The following CYRIA variants were observed in gnomAD, a reference collection of about 807,000 sequenced individuals.
CYRIA encodes the protein CYFIP related Rac1 interactor A, also known as CYFIP-related Rac1 interactor A.
A neutral mutation model predicts 43.9 loss-of-function variants in CYRIA; 15 were observed. That is an observed-to-expected ratio of 0.34 (90% CI 0.23 to 0.53). The LOEUF (loss-of-function observed/expected upper bound fraction) is 0.53, where lower values mean the gene tolerates loss of function less well. CYRIA is among the 20% of genes least tolerant of loss of function. The probability of loss-of-function intolerance (pLI) is 0.94; values close to 1 mark genes in which losing one functional copy is unlikely to be tolerated. For synonymous variants in CYRIA, 117 were observed against 136.0 expected, an observed-to-expected ratio of 0.86 and a Z score of 0.97; for missense variants, 236 against 394.2, an observed-to-expected ratio of 0.60 and a Z score of 3.40.
intron 1 of CYRIA, among the ~76,000 whole-genome samples, chr2:16,649,921 G>GA (rs1669927609): frequency 6.6e-6 from 1 of 152,186 alleles, no homozygotes; most frequent in South Asian, 2.1e-4. Context: ...TTTACCAAAT[G>GA]GAGTGAAAAT....
At chr2:16,627,278 A>T (rs1318545415) in intron 1 of CYRIA, among the ~76,000 whole-genome samples, 1 of 152,222 alleles carries the variant, frequency 6.6e-6, no homozygotes, top group African/African-American at 2.4e-5. Context: ...GGGGTGGGCA[A>T]TCAAGGGACC....
In CYRIA at chr2:16,552,922, C is replaced by A. The variant is rs1373469349; in HGVS notation, c.*14G>T. 4.4e-5 allele frequency: 69 copies of A among 1,560,666 alleles called. No individual in the cohort carries two copies. Among genetic ancestry groups the A allele is most frequent in the Non-Finnish European group, 6.0e-5 (68 of 1,131,410 alleles). On this transcript the variant is annotated 3_prime_UTR_variant, in exon 12 of 12. Transcript: ENST00000381323. Reference sequence around the variant, plus strand: ...CTGAGGTCAGCACATAGATCCTCTTCTTTGAGCAGAGCTCTACTGAAGCAT... The same window carrying A: ...CTGAGGTCAGCACATAGATCCTCTTATTTGAGCAGAGCTCTACTGAAGCAT...
chr2:16,647,208 G>T (rs901377725), intron 1 of CYRIA, among the ~76,000 whole-genome samples: 1 of 152,108 alleles, frequency 6.6e-6, no homozygotes, highest in African/African-American at 2.4e-5. Context: ...CTTCCAAAAA[G>T]ATTTTTTACA....
chr2:16,586,376 CAT>C (rs1355325270), intron 3 of CYRIA, among the ~76,000 whole-genome samples: 1 of 151,952 alleles, frequency 6.6e-6, no homozygotes, highest in African/African-American at 2.4e-5. Context: ...CTTTGAACAA[CAT>C]ATATGTGTGT....
chr2:16,550,568 G>C lies in CYRIA; in HGVS notation c.*2368C>G, dbSNP rs1572445806. The C allele has an allele frequency of 6.6e-6, 1 of 152,136 alleles. No homozygotes were observed. Among genetic ancestry groups the C allele is most frequent in the African/African-American group, 2.4e-5 (1 of 41,450 alleles). The allele number at this position is 152,136 out of a possible 1,614,324, so 9.4% of individuals were successfully genotyped here. A position where few individuals can be genotyped will look rare whatever the true frequency, so the allele number is the denominator to read the frequency against. On this transcript the variant is annotated 3_prime_UTR_variant, in exon 12 of 12. Coordinates refer to ENST00000381323, the MANE Select transcript of CYRIA (RefSeq NM_030797.4). Reference sequence around the variant, plus strand: ...ACAAGTCTTGGCTAAATTGAGGCAGGACAGCAGCCCCTTCCATATGTTTGG... The same window carrying C: ...ACAAGTCTTGGCTAAATTGAGGCAGCACAGCAGCCCCTTCCATATGTTTGG...
intron 3 of CYRIA, among the ~76,000 whole-genome samples, chr2:16,580,098 C>T (rs1667500091): frequency 6.6e-6 from 1 of 151,946 alleles, no homozygotes; most frequent in Non-Finnish European, 1.5e-5. Context: ...CAGGTGCATG[C>T]CACCATGCCT....
At chr2:16,632,784 G>A (rs75230816) in intron 1 of CYRIA, among the ~76,000 whole-genome samples, 6 of 152,184 alleles carry the variant, frequency 3.9e-5, no homozygotes, top group East Asian at 3.9e-4. Flanking sequence ...CCCTGGCCTC[G>A]GCAGACAAAC....
At chr2:16,614,277 C>T (rs1442288484) in intron 2 of CYRIA, among the ~76,000 whole-genome samples, 3 of 152,186 alleles carry the variant, frequency 2.0e-5, no homozygotes, top group African/African-American at 2.4e-5. Context: ...TGGAGGATGT[C>T]CCTGCAGGAA....
intron 1 of CYRIA, among the ~76,000 whole-genome samples, chr2:16,656,236 ACACTCACACATACCT>A (rs1670108508): frequency 6.6e-6 from 1 of 152,032 alleles, no homozygotes; most frequent in African/African-American, 2.4e-5. Flanking sequence ...ACACATACCC[ACACTCACACATACCT>A]ATACACACAC....
intron 1 of CYRIA, among the ~76,000 whole-genome samples, chr2:16,652,674 T>C (rs945198648): frequency 6.6e-6 from 1 of 152,194 alleles, no homozygotes; most frequent in Non-Finnish European, 1.5e-5. Flanking sequence ...GCTGAAATCC[T>C]GACACACTTT....
In CYRIA at chr2:16,602,549, C is replaced by T. The variant is rs115917178; in HGVS notation, c.-10-14420G>A. On this transcript the variant is annotated intron_variant, in intron 2 of 11. Coordinates refer to ENST00000381323, the MANE Select transcript of CYRIA (RefSeq NM_030797.4). The stretch of plus-strand genomic sequence containing the variant: ...TTTTACGGGTATAAGAACTCCATGA[C>T]CAGGTATAGTAAGTGTCCTTCCCAA... Among the ~76,000 whole-genome samples the T allele has an allele frequency of 5.9e-3, 903 of 152,218 alleles. 5 individuals are homozygous for T. Among genetic ancestry groups the T allele is most frequent in the African/African-American group, 0.021 (871 of 41,518 alleles).
rs145780340 is a variant in CYRIA at position 16,582,120 on chromosome 2, T to C, written c.70+5930A>G. ...GTGACATGAATATCCTGTGTCTTGA[T>C]AGAGTGTGGCATTTGTCAAAACCAA... On this transcript the variant is annotated intron_variant, in intron 3 of 11. Transcript: ENST00000381323. Among the ~76,000 whole-genome samples, 198 of 152,272 alleles carry C rather than the reference T, an allele frequency of 1.3e-3. 2 individuals carry two copies. Among genetic ancestry groups the C allele is most frequent in the Admixed American group, 0.011 (164 of 15,294 alleles).
chr2:16,647,908 G>C (rs1343859041), intron 1 of CYRIA, among the ~76,000 whole-genome samples: 1 of 152,072 alleles, frequency 6.6e-6, no homozygotes, highest in African/African-American at 2.4e-5. Context: ...ACTCTGAGAG[G>C]CTCCTGTTGG....
At chr2:16,580,453 A>G (rs572910327) in intron 3 of CYRIA, among the ~76,000 whole-genome samples, 1 of 152,234 alleles carries the variant, frequency 6.6e-6, no homozygotes, top group South Asian at 2.1e-4. Context: ...CAGCACTTTT[A>G]TATTAAAAAC....
intron 1 of CYRIA, among the ~76,000 whole-genome samples, chr2:16,629,284 G>T (rs1358756995): frequency 6.6e-6 from 1 of 152,232 alleles, no homozygotes; most frequent in African/African-American, 2.4e-5. Flanking sequence ...CCTGGTGAGA[G>T]ATCCTCCCTT....
intron 1 of CYRIA, chr2:16,625,773 G>A (rs755176695): frequency 3.9e-5 from 6 of 151,972 alleles, no homozygotes; most frequent in Non-Finnish European, 8.8e-5. Context: ...AAAGGATCTG[G>A]AAACAAGAGA....
At chr2:16,633,232 C>A (rs1038014240) in intron 1 of CYRIA, among the ~76,000 whole-genome samples, 1 of 152,146 alleles carries the variant, frequency 6.6e-6, no homozygotes, top group Non-Finnish European at 1.5e-5. Context: ...ACTTTCACCC[C>A]CCACCCTGTC....
rs1254582150 is a variant in CYRIA at position 16,663,903 on chromosome 2, C to G, written c.-167+1877G>C. On this transcript the variant is annotated intron_variant, in intron 1 of 11. Coordinates refer to ENST00000381323, the MANE Select transcript of CYRIA (RefSeq NM_030797.4). ...CCTCGGACAGGACCAGGGAGCCCAA[C>G]AGAGATGCGTGTATGTCAGCTTCAT... Among the ~76,000 whole-genome samples, 3 of 152,228 alleles carry G rather than the reference C, an allele frequency of 2.0e-5. No homozygotes were observed. The East Asian group carries it at 5.8e-4, about 29-fold the overall frequency.
chr2:16,602,751 G>C (rs1420176141), intron 2 of CYRIA, among the ~76,000 whole-genome samples: 1 of 152,198 alleles, frequency 6.6e-6, no homozygotes, highest in African/African-American at 2.4e-5. Context: ...CTAGAAGAGA[G>C]ATGTTGTGGC....
Sources: allele counts gnomAD v4.1 joint callset (sites outside exome capture counted in the v4.1 genomes callset), GRCh38; gene constraint gnomAD v4.1.1; transcripts MANE v1.5; gene names NCBI Gene and HGNC (gene_info 2026-07-23, HGNC 2026-07-21).